Variants in LYST observed in about 807,000 individuals in gnomAD.
LYST encodes lysosomal trafficking regulator.
A neutral mutation model predicts 413.6 loss-of-function variants in LYST; 192 were observed. The observed-to-expected ratio is 0.46, with a 90% CI of 0.41 to 0.52. The LOEUF (loss-of-function observed/expected upper bound fraction) is 0.52. LYST is among the 20% of genes least tolerant of loss of function. The probability of loss-of-function intolerance (pLI) is 0.00; values close to 1 mark genes in which losing one functional copy is unlikely to be tolerated. For synonymous variants in LYST, 1,525 were observed against 1,567.3 expected, an observed-to-expected ratio of 0.97 and a Z score of 0.64; for missense variants, 3,815 against 4,499.9, an observed-to-expected ratio of 0.85 and a Z score of 4.35.
chr1:235,861,714 C>T (rs528990751), intron 1 of LYST, among the ~76,000 whole-genome samples: 10 of 152,240 alleles, frequency 6.6e-5, no homozygotes, highest in Admixed American at 4.6e-4. Context: ...AGGCTGGACT[C>T]GAACCAGGCT....
intron 48 of LYST, among the ~76,000 whole-genome samples, chr1:235,681,343 G>A (rs571257328): frequency 2.0e-5 from 3 of 152,316 alleles, no homozygotes; most frequent in Non-Finnish European, 2.9e-5. Flanking sequence ...AAACGTGGTG[G>A]TGAGGTAGAG....
intron 1 of LYST, among the ~76,000 whole-genome samples, chr1:235,836,472 G>A (rs1676588424): frequency 6.6e-6 from 1 of 152,210 alleles, no homozygotes; most frequent in African/African-American, 2.4e-5. Context: ...TAATATTTGA[G>A]CAAAAACTTG....
At chr1:235,770,913 A>G (rs1039663984) in intron 19 of LYST, among the ~76,000 whole-genome samples, 8 of 152,172 alleles carry the variant, frequency 5.3e-5, no homozygotes, top group African/African-American at 1.9e-4. Context: ...CCATAATACT[A>G]GAGAAAAAAA....
chr1:235,680,420 A>G (rs927801342), intron 48 of LYST, among the ~76,000 whole-genome samples: 3 of 149,800 alleles, frequency 2.0e-5, no homozygotes, highest in Admixed American at 2.0e-4. Flanking sequence ...ATGCCCAACT[A>G]CTTTTTAAAT....
intron 1 of LYST, among the ~76,000 whole-genome samples, chr1:235,882,702 G>T (rs1242331353): frequency 1.3e-5 from 2 of 152,146 alleles, no homozygotes; most frequent in Non-Finnish European, 2.9e-5. Context: ...TATAACAGAG[G>T]CTGAAGGGTT....
At position 235,755,608 on chromosome 1, in the gene LYST, T is replaced by C; in HGVS notation, c.7099A>G (p.Lys2367Glu). The C allele has an allele frequency of 6.2e-7, 1 of 1,613,588 alleles. No individual in the cohort carries two copies. Among genetic ancestry groups the C allele is most frequent in the Non-Finnish European group, 8.5e-7 (1 of 1,179,588 alleles). The change falls in exon 25 of 53, where the codon AAA becomes GAA. Residue 2367 changes from lysine to glutamate, a missense_variant. Coordinates refer to ENST00000389793, the MANE Select transcript of LYST (RefSeq NM_000081.4). Reference sequence around the variant, plus strand: ...CCACGATTCTTCAGAAATTTATCTTTTTGTTCCTTAGATGCTCTAGCAAAA... The same window carrying C: ...CCACGATTCTTCAGAAATTTATCTTCTTGTTCCTTAGATGCTCTAGCAAAA... ...AYFARASKEQ[K>E]DKFLKNRGFS...
intron 16 of LYST, among the ~76,000 whole-genome samples, chr1:235,778,635 C>T (rs148895243): frequency 0.016 from 2,384 of 152,122 alleles, 62 homozygotes; most frequent in African/African-American, 0.054. Flanking sequence ...GATCTGCCCG[C>T]CTCAGCCTCC....
At chr1:235,821,641 T>C (rs748588451) in intron 3 of LYST, among the ~76,000 whole-genome samples, 1 of 152,246 alleles carries the variant, frequency 6.6e-6, no homozygotes, top group Non-Finnish European at 1.5e-5. Context: ...AACCTTTTTA[T>C]ATAAAGAACC....
intron 43 of LYST, among the ~76,000 whole-genome samples, 173 bp from the exon 44 acceptor site, chr1:235,709,481 G>A (rs999660297): frequency 1.4e-5 from 2 of 139,886 alleles, no homozygotes; most frequent in Non-Finnish European, 2.9e-5. Flanking sequence ...ATCTACTTAT[G>A]TACCTACTAA....
chr1:235,793,717 G>C (rs1036830510), intron 10 of LYST, 105 bp from the exon 11 acceptor site: 1 of 625,296 alleles, frequency 1.6e-6, no homozygotes, highest in Non-Finnish European at 2.9e-6. Flanking sequence ...TTTTTGAATG[G>C]ATTATAAAAA....
At position 235,664,567 on chromosome 1, in the gene LYST, T is replaced by C; in HGVS notation, c.11093A>G (p.His3698Arg). Residue 3698 changes from histidine (H) to arginine (R), a missense_variant, in exon 51 of 53, where the codon CAT becomes CGT. Around this residue, in one of 4 missense-constraint regions of LYST, gnomAD observed 866 missense variants for 1,156.0 expected, o/e 0.75. Transcript: ENST00000389793. The surrounding 1 kb of genome is among the most constrained non-coding windows in gnomAD (Gnocchi z 4.5). ...ACAGATGATCTCCCTGCAGTGGACATGTCCAACGAGATCCCCGTTCACCGT... is the reference window on the plus strand; with the variant it reads ...ACAGATGATCTCCCTGCAGTGGACACGTCCAACGAGATCCCCGTTCACCGT... ...LWTVNGDLVG[H>R]VHCREIICSV... 6.2e-7 allele frequency: 1 copy of C among 1,614,168 alleles called. No homozygotes were observed. The highest frequency in any genetic ancestry group is 8.5e-7 in the Non-Finnish European group (1 of 1,180,028).
intron 42 of LYST, among the ~76,000 whole-genome samples, chr1:235,714,959 T>C (rs1174617527): frequency 6.6e-6 from 1 of 152,224 alleles, no homozygotes; most frequent in Non-Finnish European, 1.5e-5. Context: ...TTTTAAAAAG[T>C]GAATTGCATT....
intron 13 of LYST, among the ~76,000 whole-genome samples, chr1:235,787,790 T>A (rs1670585372): frequency 6.6e-6 from 1 of 152,202 alleles, no homozygotes; most frequent in Non-Finnish European, 1.5e-5. Context: ...GGAGATAATG[T>A]ACATAAGGCA....
At chr1:235,792,527 C>T (rs916016626) in intron 11 of LYST, among the ~76,000 whole-genome samples, 2 of 152,066 alleles carry the variant, frequency 1.3e-5, no homozygotes, top group Non-Finnish European at 2.9e-5. Context: ...GTTGGCCAGG[C>T]TAGTCTTGCA....
At chr1:235,831,001 A>T (rs1675910335) in intron 2 of LYST, among the ~76,000 whole-genome samples, 1 of 152,210 alleles carries the variant, frequency 6.6e-6, no homozygotes, top group Admixed American at 6.5e-5. Flanking sequence ...GATTAAGGGA[A>T]ATAAGCTACA....
At chr1:235,835,499 A>T (rs1676479640) in intron 1 of LYST, among the ~76,000 whole-genome samples, 2 of 152,194 alleles carry the variant, frequency 1.3e-5, no homozygotes, top group African/African-American at 4.8e-5. Context: ...GGCCAAGCTG[A>T]GGGATTTCTC....
intron 45 of LYST, 144 bp downstream of exon 45, chr1:235,702,603 C>G: frequency 1.4e-6 from 1 of 733,108 alleles, no homozygotes; most frequent in South Asian, 1.5e-5. Flanking sequence ...GCACAGGATT[C>G]TGCTTTCGCT....
chr1:235,780,226 C>T (rs993607724), intron 16 of LYST, among the ~76,000 whole-genome samples: 30 of 151,718 alleles, frequency 2.0e-4, no homozygotes, highest in African/African-American at 5.8e-4. Context: ...GGCAACAAAG[C>T]GAGATTCCAT....
intron 37 of LYST, among the ~76,000 whole-genome samples, chr1:235,728,907 A>G (rs1288875581): frequency 2.0e-5 from 3 of 152,206 alleles, no homozygotes; most frequent in African/African-American, 7.2e-5. Flanking sequence ...TGGAGGGCTC[A>G]TCAGAACATA....
Sources: gnomAD v4.1 joint callset for allele counts (sites outside exome capture counted in the v4.1 genomes callset) on GRCh38, gnomAD v4.1.1 for gene constraint, gnomAD v4.1.1 regional missense constraint, Gnocchi (gnomAD v3.1) non-coding constraint, MANE v1.5 for transcripts, NCBI Gene and HGNC (gene_info 2026-07-23, HGNC 2026-07-21) for gene names.